ZFHX4: variants seen among roughly 807,000 people sequenced by gnomAD.
ZFHX4 encodes the protein zinc finger homeobox protein 4.
A neutral mutation model predicts 267.6 loss-of-function variants in ZFHX4; 56 were observed. That is an observed-to-expected ratio of 0.21 (90% confidence interval 0.17 to 0.26). The LOEUF is 0.26. Ranked by LOEUF, ZFHX4 falls within the 10% of genes least tolerant of loss-of-function variation. ZFHX4 has a pLI of 1.00. For synonymous variants in ZFHX4, 1,778 were observed against 1,665.6 expected (o/e 1.07, Z -1.64); for missense variants, 4,332 against 4,420.0 (o/e 0.98, Z 0.56).
chr8:76,802,699 A>T (rs1396956092), intron 4 of ZFHX4, among the ~76,000 whole-genome samples: 2 of 152,182 alleles, frequency 1.3e-5, no homozygotes, highest in African/African-American at 4.8e-5. Flanking sequence ...ATGGTTACCG[A>T]GTGCATCATT....
rs1448340961 is a variant in ZFHX4, at chr8:76,852,365, A to AACAGCAGCAGCCACCACCTCC, written c.5456_5476dup (p.Pro1819_Gln1825dup). Reference sequence around the variant, plus strand: ...CAGCCCCAGCTGCAGCCTCAAAAACAACAGCAGCAGCCACCACCTCCACAG... The same window carrying AACAGCAGCAGCCACCACCTCC: ...CAGCCCCAGCTGCAGCCTCAAAAACAACAGCAGCAGCCACCACCTCCACAGCAGCAGCCACCACCTCCACAG... On this transcript the variant is annotated inframe_insertion, in exon 10 of 11. Coordinates refer to ENST00000651372, the MANE Select transcript of ZFHX4 (RefSeq NM_024721.5). The AACAGCAGCAGCCACCACCTCC allele has an allele frequency of 6.4e-7, 1 of 1,553,422 alleles. No homozygotes were observed. The highest frequency in any genetic ancestry group is 8.7e-7 in the Non-Finnish European group (1 of 1,147,936).
rs148423718 is a variant in ZFHX4 at position 76,861,660 on chromosome 8, TG to T, written c.9380-1431del. 3.6e-3 allele frequency among the ~76,000 whole-genome samples: 544 copies of T among 152,216 alleles called. 4 individuals are homozygous for T. The highest frequency in any genetic ancestry group is 0.012 in the African/African-American group (497 of 41,546). On this transcript the variant is annotated intron_variant, in intron 10 of 10. Transcript: ENST00000651372. Reference sequence around the variant, plus strand: ...ATCTTGAATGCTAAGCTTTCTCGGTTGGGTAAAGATCAATTAAGAAACTATG... The same window carrying T: ...ATCTTGAATGCTAAGCTTTCTCGGTTGGTAAAGATCAATTAAGAAACTATG...
intron 4 of ZFHX4, among the ~76,000 whole-genome samples, chr8:76,812,583 A>G (rs1215589072): frequency 6.6e-6 from 1 of 152,250 alleles, no homozygotes; most frequent in Non-Finnish European, 1.5e-5. Flanking sequence ...TATGCTTTTC[A>G]GAAAATGAAT....
At chr8:76,766,352 C>T (rs1426231688) in intron 3 of ZFHX4, among the ~76,000 whole-genome samples, 2 of 152,104 alleles carry the variant, frequency 1.3e-5, no homozygotes, top group African/African-American at 4.8e-5. Flanking sequence ...ATCAAACCAA[C>T]ACATTTGTGT....
chr8:76,856,425 T>G, intron 10 of ZFHX4, 125 bp downstream of exon 10: 1 of 1,111,324 alleles, frequency 9.0e-7, no homozygotes, highest in Non-Finnish European at 1.3e-6. Flanking sequence ...AATACATTAT[T>G]TAAAGTATAT....
intron 6 of ZFHX4, among the ~76,000 whole-genome samples, chr8:76,843,331 C>T (rs1295701272): frequency 6.6e-6 from 1 of 152,134 alleles, no homozygotes; most frequent in Non-Finnish European, 1.5e-5. Flanking sequence ...ACAGATGATT[C>T]AGCCTAAGAA....
rs750112331 is a variant in ZFHX4, at chr8:76,856,279, G to A, written c.9358G>A (p.Gly3120Arg). Residue 3120 changes from glycine to arginine, a missense_variant, in exon 10 of 11, where the codon GGA becomes AGA. By Grantham distance (125) the Gly-to-Arg change is moderately radical. This residue lies in a region of ZFHX4 where 1,648 missense variants were observed against 1,625.0 expected (regional missense o/e 1.01). Transcript: ENST00000651372. Reference protein sequence around the residue: ...PGMNGPSSLPGFPQNSNTLTP... With the variant: ...PGMNGPSSLPRFPQNSNTLTP... Reference sequence around the variant, plus strand: ...AATGAACGGTCCATCCTCCTTGCCGGGATTTCCACAAAATTCAAACAGTAA... The same window carrying A: ...AATGAACGGTCCATCCTCCTTGCCGAGATTTCCACAAAATTCAAACAGTAA... 6.2e-7 allele frequency: 1 copy of A among 1,613,758 alleles called. No homozygotes were observed. Among genetic ancestry groups the A allele is most frequent in the Admixed American group, 1.7e-5 (1 of 59,994 alleles).
At chr8:76,756,167 G>A (rs990846186) in intron 3 of ZFHX4, among the ~76,000 whole-genome samples, 4 of 152,106 alleles carry the variant, frequency 2.6e-5, no homozygotes, top group African/African-American at 4.8e-5. Flanking sequence ...TAGGGACGTC[G>A]TCATGTCATT....
chr8:76,816,225 G>A (rs951082779), intron 4 of ZFHX4, among the ~76,000 whole-genome samples: 6 of 152,156 alleles, frequency 3.9e-5, no homozygotes, highest in Non-Finnish European at 5.9e-5. Context: ...ATTTATATAG[G>A]TTGAGTGGAA....
chr8:76,776,269 A>G (rs572755624), intron 3 of ZFHX4, among the ~76,000 whole-genome samples: 3 of 151,920 alleles, frequency 2.0e-5, no homozygotes, highest in Admixed American at 1.3e-4. Context: ...CACGATTTAC[A>G]TGAGAAAAAA....
At chr8:76,831,840 C>T (rs953516352) in intron 4 of ZFHX4, among the ~76,000 whole-genome samples, 1 of 151,994 alleles carries the variant, frequency 6.6e-6, no homozygotes, top group African/African-American at 2.4e-5. Flanking sequence ...CAAGGCATAA[C>T]TTTATAAGAA....
rs979474460 is a variant in ZFHX4, at chr8:76,864,790, T to C, written c.*225T>C. Reference sequence around the variant, plus strand: ...TGCGCTTGTACTATATGCTAAAATATGGAAAAGGAAAAAAAAATCTCACAA... The same window carrying C: ...TGCGCTTGTACTATATGCTAAAATACGGAAAAGGAAAAAAAAATCTCACAA... On this transcript the variant is annotated 3_prime_UTR_variant, in exon 11 of 11. Coordinates refer to ENST00000651372, the MANE Select transcript of ZFHX4 (RefSeq NM_024721.5). 9.3e-6 allele frequency: 3 copies of C among 322,730 alleles called. No homozygotes were observed. The highest frequency in any genetic ancestry group is 1.7e-5 in the Non-Finnish European group (3 of 177,852). 20.0% of individuals were successfully genotyped at this position (322,730 alleles called of 1,614,324 possible).
At chr8:76,823,152 G>A (rs1005301729) in intron 4 of ZFHX4, among the ~76,000 whole-genome samples, 9 of 142,838 alleles carry the variant, frequency 6.3e-5, no homozygotes, top group Non-Finnish European at 1.1e-4. Flanking sequence ...TTTTTTAACA[G>A]TGAGACACCT....
rs1812980200 is a variant in ZFHX4 at position 76,864,600 on chromosome 8, AAAAT to A, written c.*39_*42del. Reference sequence around the variant, plus strand: ...CAGGATCCCGTGCTTAAAAAAATAAAAAATAAAAAAATAAAAAAAAAATAAGACT... The same window carrying A: ...CAGGATCCCGTGCTTAAAAAAATAAAAAAAAAATAAAAAAAAAATAAGACT... On this transcript the variant is annotated 3_prime_UTR_variant, in exon 11 of 11. Transcript: ENST00000651372. The A allele has an allele frequency of 7.8e-7, 1 of 1,274,392 alleles. No individual in the cohort carries two copies. Among genetic ancestry groups the A allele is most frequent in the Non-Finnish European group, 1.0e-6 (1 of 989,534 alleles). The allele number at this position is 1,274,392 out of a possible 1,614,324, so 78.9% of individuals were successfully genotyped here. A position where few individuals can be genotyped will look rare whatever the true frequency, so the allele number is the denominator to read the frequency against.
chr8:76,784,760 T>G (rs1217735820), intron 4 of ZFHX4, among the ~76,000 whole-genome samples: 1 of 152,080 alleles, frequency 6.6e-6, no homozygotes, highest in East Asian at 1.9e-4. Flanking sequence ...TCTTCCAAAA[T>G]TTTTTTAAAA....
intron 3 of ZFHX4, among the ~76,000 whole-genome samples, chr8:76,728,824 T>C (rs1288836823): frequency 6.6e-6 from 1 of 152,208 alleles, no homozygotes; most frequent in Non-Finnish European, 1.5e-5. Context: ...TCTTTAAATA[T>C]TCATATTCAC....
chr8:76,762,840 A>G (rs920599016), intron 3 of ZFHX4, among the ~76,000 whole-genome samples: 5 of 152,160 alleles, frequency 3.3e-5, no homozygotes, highest in African/African-American at 1.2e-4. Flanking sequence ...CAGTTCTCCA[A>G]TAGAATTAAA....
chr8:76,863,252 C>T lies in ZFHX4; in HGVS notation c.9538C>T (p.Gln3180Ter). The change falls in exon 11 of 11, where the codon CAG (glutamine) becomes TAG (stop). Residue 3180 changes from glutamine (Q) to a stop codon, truncating the protein, a stop_gained. Coordinates refer to ENST00000651372, the MANE Select transcript of ZFHX4 (RefSeq NM_024721.5). LOFTEE classifies it high-confidence loss of function. Reference protein sequence around the residue: ...PPPPSSSLSGQQTEQQNKESE... With the variant: ...PPPPSSSLSG Reference sequence around the variant, plus strand: ...TCCTCCTTCATCCTCTCTGTCAGGACAGCAGACCGAGCAACAGAACAAAGA... The same window carrying T: ...TCCTCCTTCATCCTCTCTGTCAGGATAGCAGACCGAGCAACAGAACAAAGA... 1 of 1,602,598 alleles carries T rather than the reference C, an allele frequency of 6.2e-7. No individual in the cohort carries two copies. Among genetic ancestry groups the T allele is most frequent in the African/African-American group, 1.3e-5 (1 of 74,796 alleles).
intron 3 of ZFHX4, among the ~76,000 whole-genome samples, chr8:76,746,163 C>G (rs2091383545): frequency 6.6e-6 from 1 of 152,144 alleles, no homozygotes; most frequent in African/African-American, 2.4e-5. Flanking sequence ...CTCAGCACTT[C>G]AGGAGGCCAA....
Sources: gnomAD v4.1 joint callset for allele counts (sites outside exome capture counted in the v4.1 genomes callset) on GRCh38, gnomAD v4.1.1 for gene constraint, gnomAD v4.1.1 regional missense constraint, MANE v1.5 for transcripts, NCBI Gene and HGNC (gene_info 2026-07-23, HGNC 2026-07-21) for gene names.